SH3KBP1: variants seen among roughly 807,000 people sequenced by gnomAD.
The protein encoded by SH3KBP1 is SH3 domain containing kinase binding protein 1.
A neutral mutation model predicts 50.1 loss-of-function variants in SH3KBP1; 8 were observed. The ratio of observed to expected loss-of-function variants is 0.16; its 90% CI spans 0.09 to 0.29. The LOEUF (loss-of-function observed/expected upper bound fraction) is 0.29, where lower values mean the gene tolerates loss of function less well. SH3KBP1 is among the 10% of genes least tolerant of loss of function. SH3KBP1 has a pLI of 1.00. For missense variants in SH3KBP1, 377 were observed against 535.2 expected, an observed-to-expected ratio of 0.70 and a Z score of 2.92; for synonymous variants, 227 against 218.6, an observed-to-expected ratio of 1.04 and a Z score of -0.34.
At chrX:19,737,016 C>G (rs2064604380) in intron 3 of SH3KBP1, among the ~76,000 whole-genome samples, 1 of 108,710 alleles carries the variant, frequency 9.2e-6, no homozygotes, top group Admixed American at 9.8e-5. Context: ...AGACAATCCT[C>G]CCACCTCAGC....
intron 3 of SH3KBP1, among the ~76,000 whole-genome samples, chrX:19,714,761 T>G (rs977094844): frequency 1.8e-5 from 2 of 112,473 alleles, no homozygotes; most frequent in Non-Finnish European, 3.8e-5. Context: ...TGATCTCTAA[T>G]TGAATTCTGC....
intron 12 of SH3KBP1, among the ~76,000 whole-genome samples, chrX:19,574,124 T>C (rs2066124455): frequency 9.0e-6 from 1 of 111,306 alleles, no homozygotes; most frequent in Non-Finnish European, 1.9e-5. Flanking sequence ...GTGAATTCCT[T>C]CCCTTCCCAC....
At chrX:19,614,869 TCA>T (rs2067558449) in intron 8 of SH3KBP1, among the ~76,000 whole-genome samples, 1 of 111,892 alleles carries the variant, frequency 8.9e-6, no homozygotes, top group African/African-American at 3.3e-5. Flanking sequence ...ATTCTTATCT[TCA>T]CACCTCTGTC....
chrX:19,536,424 G>C lies in SH3KBP1; in HGVS notation c.1991C>G (p.Ser664Ter), dbSNP rs1191460724. 4.4e-6 allele frequency: 5 copies of C among 1,143,525 alleles called. No homozygotes were observed. The highest frequency in any genetic ancestry group is 1.8e-5 in the African/African-American group (1 of 55,776). 94.2% of individuals were successfully genotyped at this position (1,143,525 alleles called of 1,213,427 possible). Residue 664 changes from serine (S) to a stop codon, truncating the protein, a stop_gained, in exon 18 of 18, where the codon TCA becomes TGA. Transcript: ENST00000397821. LOFTEE classifies it high-confidence loss of function. ...ATTTCATTGATCAAGTATTCATTTT[G>C]ATTGTAGAGCTTTCTTTATGTCGTT... ...EVNDIKKALQ[S>*]K
chrX:19,722,158 C>T (rs897577978), intron 3 of SH3KBP1, among the ~76,000 whole-genome samples: 1 of 112,295 alleles, frequency 8.9e-6, no homozygotes, highest in African/African-American at 3.2e-5. Flanking sequence ...TGGGCAACTT[C>T]GCAAGTCCTG....
At chrX:19,625,780 G>C (rs1031689547) in intron 8 of SH3KBP1, among the ~76,000 whole-genome samples, 6 of 111,743 alleles carry the variant, frequency 5.4e-5, no homozygotes, top group Non-Finnish European at 1.1e-4. Context: ...GAGTAGACAA[G>C]AGTCACCTCT....
At chrX:19,785,490 T>G (rs2066318231) in intron 2 of SH3KBP1, among the ~76,000 whole-genome samples, 2 of 111,402 alleles carry the variant, frequency 1.8e-5, no homozygotes, top group East Asian at 5.6e-4. Context: ...ATTGCGCCAC[T>G]GCACTCCAAC....
intron 1 of SH3KBP1, among the ~76,000 whole-genome samples, chrX:19,883,406 T>C (rs2069498522): frequency 8.9e-6 from 1 of 112,595 alleles, no homozygotes; most frequent in African/African-American, 3.2e-5. Flanking sequence ...CTCTCTTCCC[T>C]TAGTATAGCA....
intron 6 of SH3KBP1, among the ~76,000 whole-genome samples, chrX:19,681,212 G>A (rs970080585): frequency 2.7e-5 from 3 of 111,893 alleles, no homozygotes; most frequent in African/African-American, 6.5e-5. Context: ...GATGTTCAAC[G>A]CACTTGCGCA....
At chrX:19,569,669 G>T (rs1418212442) in intron 12 of SH3KBP1, among the ~76,000 whole-genome samples, 1 of 112,155 alleles carries the variant, frequency 8.9e-6, no homozygotes, top group East Asian at 2.8e-4. Context: ...GGCACAAGGT[G>T]TCGAGTTGAG....
At chrX:19,549,832 G>A in intron 14 of SH3KBP1, 142 bp downstream of exon 14, 1 of 448,968 alleles carries the variant, frequency 2.2e-6, no homozygotes, top group Non-Finnish European at 3.9e-6. Context: ...ACTTTTGGTT[G>A]GCAGTGTATC....
At chrX:19,663,571 G>T (rs187107687) in intron 6 of SH3KBP1, among the ~76,000 whole-genome samples, 2 of 111,415 alleles carry the variant, frequency 1.8e-5, no homozygotes, top group Non-Finnish European at 3.8e-5. Flanking sequence ...TAAAGACCAG[G>T]AATGGTACTG....
chrX:19,574,225 C>G (rs2066127370), intron 12 of SH3KBP1, among the ~76,000 whole-genome samples: 1 of 111,667 alleles, frequency 9.0e-6, no homozygotes, highest in African/African-American at 3.3e-5. Context: ...GTATCGCAAC[C>G]CTTATCACAG....
At chrX:19,536,564 G>C in intron 17 of SH3KBP1, 106 bp from the exon 18 acceptor site, 1 of 497,563 alleles carries the variant, frequency 2.0e-6, no homozygotes, top group Middle Eastern at 4.5e-4. Context: ...CAATCAATCT[G>C]ACAATTTTAA....
intron 3 of SH3KBP1, among the ~76,000 whole-genome samples, chrX:19,744,771 G>A (rs774818403): frequency 2.7e-5 from 3 of 112,237 alleles, no homozygotes; most frequent in Non-Finnish European, 5.6e-5. Flanking sequence ...ATTTTCAGTG[G>A]TGAAGAGATA....
intron 16 of SH3KBP1, among the ~76,000 whole-genome samples, chrX:19,539,066 C>T (rs1286056627): frequency 8.9e-6 from 1 of 111,849 alleles, no homozygotes; most frequent in East Asian, 2.8e-4. Flanking sequence ...GGCCTAATGC[C>T]CTTTCCAACA....
chrX:19,711,225 G>A (rs762614634), intron 3 of SH3KBP1, among the ~76,000 whole-genome samples: 1 of 111,731 alleles, frequency 9.0e-6, no homozygotes, highest in South Asian at 3.7e-4. Context: ...TGTTTGAAAG[G>A]TGGAACCAGG....
chrX:19,563,083 G>A (rs750858133), intron 13 of SH3KBP1, among the ~76,000 whole-genome samples: 2 of 111,785 alleles, frequency 1.8e-5, no homozygotes, highest in Non-Finnish European at 3.8e-5. Context: ...AGATGTTCGT[G>A]AAGACCCTCA....
chrX:19,614,692 C>T (rs2067553523), intron 8 of SH3KBP1, among the ~76,000 whole-genome samples: 1 of 111,574 alleles, frequency 9.0e-6, no homozygotes, highest in Non-Finnish European at 1.9e-5. Context: ...GTGCATGCTT[C>T]TCACTTAGGG....
Sources: gnomAD v4.1 joint callset for allele counts (sites outside exome capture counted in the v4.1 genomes callset) on GRCh38, gnomAD v4.1.1 for gene constraint, MANE v1.5 for transcripts, NCBI Gene and HGNC (gene_info 2026-07-23, HGNC 2026-07-21) for gene names.